Variants in RANBP2 observed in about 807,000 individuals in gnomAD.
RANBP2 encodes the protein RAN binding protein 2.
RANBP2 carries 57 observed loss-of-function variants against 303.6 expected under a neutral mutation model. That is an observed-to-expected ratio of 0.19 (90% confidence interval 0.15 to 0.23). RANBP2 has a LOEUF of 0.23. RANBP2 is among the 10% of genes least tolerant of loss of function. The probability of loss-of-function intolerance (pLI) is 1.00; values close to 1 mark genes in which losing one functional copy is unlikely to be tolerated. For missense variants in RANBP2, 3,138 were observed against 3,780.8 expected (o/e 0.83, Z 4.46); for synonymous variants, 1,167 against 1,301.5 (o/e 0.90, Z 2.23).
the RANBP2 span, among the ~76,000 whole-genome samples, chr2:109,537,940 C>T: frequency 6.6e-6 from 1 of 151,964 alleles, no homozygotes; most frequent in Admixed American, 6.6e-5. Context: ...AGAGCAAGAT[C>T]CTGTCTCAAA....
At chr2:108,891,427 G>A in the RANBP2 span, among the ~76,000 whole-genome samples, 1 of 152,172 alleles carries the variant, frequency 6.6e-6, no homozygotes, top group Non-Finnish European at 1.5e-5. Context: ...TGATTTTTTA[G>A]GCTGTAAGTA....
the RANBP2 span, among the ~76,000 whole-genome samples, chr2:109,707,145 A>G: frequency 1.3e-5 from 2 of 152,236 alleles, no homozygotes; most frequent in Non-Finnish European, 2.9e-5. Flanking sequence ...TTATTTATAT[A>G]AACAATTTTA....
the RANBP2 span, among the ~76,000 whole-genome samples, chr2:109,671,671 T>C: frequency 6.6e-6 from 1 of 152,126 alleles, no homozygotes; most frequent in Non-Finnish European, 1.5e-5. Context: ...TTTTTTATTG[T>C]TTTTTGTTGA....
At chr2:109,046,995 G>GCCTGC in the RANBP2 span, among the ~76,000 whole-genome samples, 6 of 151,946 alleles carry the variant, frequency 3.9e-5, no homozygotes, top group Non-Finnish European at 8.8e-5. Context: ...GCTGCACCCG[G>GCCTGC]CCTGCCCTGC....
At chr2:109,275,199 G>A in the RANBP2 span, among the ~76,000 whole-genome samples, 34 of 152,260 alleles carry the variant, frequency 2.2e-4, no homozygotes, top group East Asian at 1.9e-3. Context: ...GTGGTTTCTC[G>A]TACTTTGCTG....
At chr2:108,824,320 T>C in the RANBP2 span, among the ~76,000 whole-genome samples, 1 of 152,234 alleles carries the variant, frequency 6.6e-6, no homozygotes, top group Non-Finnish European at 1.5e-5. Context: ...ATGTATATTT[T>C]CTTTATATCC....
the RANBP2 span, chr2:108,839,246 A>G: frequency 6.2e-7 from 1 of 1,612,910 alleles, no homozygotes; most frequent in Non-Finnish European, 8.5e-7. Context: ...AAACTTCACG[A>G]GCCTTTTGTA....
the RANBP2 span, among the ~76,000 whole-genome samples, chr2:109,183,123 G>A: frequency 6.6e-6 from 1 of 152,126 alleles, no homozygotes; most frequent in South Asian, 2.1e-4. Flanking sequence ...TTAGAAGATT[G>A]TGTACAAAAC....
the RANBP2 span, among the ~76,000 whole-genome samples, chr2:109,368,804 A>G: frequency 6.6e-6 from 1 of 151,960 alleles, no homozygotes; most frequent in African/African-American, 2.4e-5. Context: ...ATAAAATTAA[A>G]TTTCTATCTT....
At chr2:109,613,406 C>G in the RANBP2 span, 9 of 323,682 alleles carry the variant, frequency 2.8e-5, no homozygotes, top group South Asian at 1.8e-4. Flanking sequence ...GGCAGGGAGG[C>G]TCGGAAGTGC....
chr2:108,997,639 C>T, the RANBP2 span, among the ~76,000 whole-genome samples: 1 of 151,840 alleles, frequency 6.6e-6, no homozygotes, highest in Non-Finnish European at 1.5e-5. Context: ...CGCCTGTAAT[C>T]CCAGTACTGT....
chr2:109,502,668 A>G, the RANBP2 span: 2 of 152,258 alleles, frequency 1.3e-5, no homozygotes, highest in Admixed American at 6.5e-5. Context: ...GGTGATGATT[A>G]TTATTCAAGA....
At chr2:109,677,027 A>C in the RANBP2 span, among the ~76,000 whole-genome samples, 1 of 152,100 alleles carries the variant, frequency 6.6e-6, no homozygotes, top group Non-Finnish European at 1.5e-5. Flanking sequence ...ACTAAATAAC[A>C]ACTTCTCCAT....
the RANBP2 span, among the ~76,000 whole-genome samples, chr2:108,889,176 T>C: frequency 6.6e-6 from 1 of 152,148 alleles, no homozygotes; most frequent in East Asian, 1.9e-4. Context: ...GATATGATTG[T>C]GGTTTGTTAA....
At chr2:109,537,674 G>A in the RANBP2 span, among the ~76,000 whole-genome samples, 7 of 152,078 alleles carry the variant, frequency 4.6e-5, no homozygotes, top group Non-Finnish European at 8.8e-5. Context: ...AGCTGGGTGC[G>A]GTGGCTCACA....
At chr2:108,907,638 A>T in the RANBP2 span, among the ~76,000 whole-genome samples, 1 of 132,778 alleles carries the variant, frequency 7.5e-6, no homozygotes, top group African/African-American at 2.9e-5. Flanking sequence ...ACAGAGCAAG[A>T]CTCTCATCTC....
chr2:109,040,825 G>A, the RANBP2 span, among the ~76,000 whole-genome samples: 1 of 152,190 alleles, frequency 6.6e-6, no homozygotes, highest in Non-Finnish European at 1.5e-5. Context: ...GGAGGCCGAG[G>A]CAGGTGGATC....
At chr2:109,539,351 T>C in the RANBP2 span, among the ~76,000 whole-genome samples, 7 of 152,110 alleles carry the variant, frequency 4.6e-5, no homozygotes, top group Admixed American at 3.9e-4. Flanking sequence ...CAAATGTATG[T>C]AGCCATGTGA....
At chr2:109,206,583 A>T in the RANBP2 span, among the ~76,000 whole-genome samples, 2 of 142,188 alleles carry the variant, frequency 1.4e-5, no homozygotes, top group African/African-American at 5.2e-5. Flanking sequence ...TCAAGGAGGG[A>T]GGATAGCTTG....
Sources: allele counts gnomAD v4.1 joint callset (sites outside exome capture counted in the v4.1 genomes callset), GRCh38; gene constraint gnomAD v4.1.1; transcripts MANE v1.5; gene names NCBI Gene and HGNC (gene_info 2026-07-23, HGNC 2026-07-21).